RCAN2: variants seen among roughly 807,000 people sequenced by gnomAD.
RCAN2 encodes the protein regulator of calcineurin 2.
RCAN2 carries 9 observed loss-of-function variants against 23.6 expected under a neutral mutation model. That is an observed-to-expected ratio of 0.38 (90% CI 0.23 to 0.67). RCAN2 has a LOEUF of 0.67. RCAN2 is among the 30% of genes least tolerant of loss of function. The pLI, the probability that RCAN2 is intolerant of heterozygous loss-of-function variation, is 0.51. For synonymous variants in RCAN2, 109 were observed against 115.7 expected, an observed-to-expected ratio of 0.94 and a Z score of 0.37; for missense variants, 273 against 302.3, an observed-to-expected ratio of 0.90 and a Z score of 0.72.
chr6:46,300,299 C>T (rs1352751003), intron 2 of RCAN2, among the ~76,000 whole-genome samples: 1 of 151,960 alleles, frequency 6.6e-6, no homozygotes, highest in East Asian at 1.9e-4. Flanking sequence ...CACTCAACTA[C>T]ATGCCCTCTA....
intron 2 of RCAN2, among the ~76,000 whole-genome samples, chr6:46,413,603 C>T (rs1415771945): frequency 6.6e-6 from 1 of 152,158 alleles, no homozygotes; most frequent in African/African-American, 2.4e-5. Context: ...AGTATATGAT[C>T]TTAGAAATAT....
intron 2 of RCAN2, among the ~76,000 whole-genome samples, chr6:46,353,618 C>A (rs1421643098): frequency 6.6e-6 from 1 of 152,108 alleles, no homozygotes; most frequent in African/African-American, 2.4e-5. Context: ...GCAGTTAATA[C>A]CGGAGAGTAG....
intron 2 of RCAN2, among the ~76,000 whole-genome samples, chr6:46,422,498 G>A (rs1229979679): frequency 6.6e-6 from 1 of 152,070 alleles, no homozygotes; most frequent in Non-Finnish European, 1.5e-5. Context: ...AAGAAAATAA[G>A]CCAAAGCCTC....
chr6:46,491,004 C>A (rs1769125532), intron 1 of RCAN2, among the ~76,000 whole-genome samples, 169 bp downstream of exon 1: 1 of 125,240 alleles, frequency 8.0e-6, no homozygotes, highest in African/African-American at 2.5e-5. Flanking sequence ...CGCCACTGCC[C>A]CCACCCCCGC....
At chr6:46,299,658 A>G (rs1213154152) in intron 2 of RCAN2, among the ~76,000 whole-genome samples, 4 of 152,010 alleles carry the variant, frequency 2.6e-5, no homozygotes, top group Non-Finnish European at 5.9e-5. Flanking sequence ...ATTACCACTT[A>G]TTGCCTTGAA....
At chr6:46,333,901 T>C (rs1323549416) in intron 2 of RCAN2, among the ~76,000 whole-genome samples, 2 of 152,240 alleles carry the variant, frequency 1.3e-5, no homozygotes, top group African/African-American at 4.8e-5. Context: ...TTTTCTAGTT[T>C]ATATTTCTCT....
At chr6:46,484,074 A>G (rs1768932176) in intron 1 of RCAN2, among the ~76,000 whole-genome samples, 1 of 152,214 alleles carries the variant, frequency 6.6e-6, no homozygotes, top group Non-Finnish European at 1.5e-5. Context: ...CAGATACTGG[A>G]CTTTTAGCTT....
At chr6:46,335,385 C>T (rs1384131153) in intron 2 of RCAN2, among the ~76,000 whole-genome samples, 1 of 152,176 alleles carries the variant, frequency 6.6e-6, no homozygotes, top group African/African-American at 2.4e-5. Context: ...CAACCAATGC[C>T]TCTCTTTTTC....
chr6:46,317,184 CT>C (rs1763467267), intron 2 of RCAN2, among the ~76,000 whole-genome samples: 1 of 152,082 alleles, frequency 6.6e-6, no homozygotes, highest in African/African-American at 2.4e-5. Context: ...TTCCAGAAAA[CT>C]TTTCTTTTTC....
chr6:46,248,281 TC>T (rs1181820933), intron 3 of RCAN2, among the ~76,000 whole-genome samples: 11 of 152,242 alleles, frequency 7.2e-5, no homozygotes, highest in African/African-American at 2.7e-4. Flanking sequence ...AGTTATACAT[TC>T]CACTAAAGCT....
chr6:46,433,462 C>T (rs981447709), intron 2 of RCAN2, among the ~76,000 whole-genome samples: 3 of 152,152 alleles, frequency 2.0e-5, no homozygotes, highest in African/African-American at 7.2e-5. Flanking sequence ...GAAGATTATT[C>T]TGGATTATCC....
chr6:46,304,232 T>C (rs1382989314), intron 2 of RCAN2, among the ~76,000 whole-genome samples: 1 of 152,148 alleles, frequency 6.6e-6, no homozygotes, highest in Non-Finnish European at 1.5e-5. Context: ...CTTTTTGAAA[T>C]GTCTGTTCAA....
At chr6:46,224,746 GTAAGCCT>G (rs1178701235) in intron 4 of RCAN2, among the ~76,000 whole-genome samples, 1 of 152,002 alleles carries the variant, frequency 6.6e-6, no homozygotes, top group Non-Finnish European at 1.5e-5. Context: ...GCACATCTTG[GTAAGCCT>G]TAATGGTGCA....
intron 2 of RCAN2, among the ~76,000 whole-genome samples, chr6:46,345,301 G>A (rs918995009): frequency 3.9e-5 from 6 of 152,040 alleles, no homozygotes; most frequent in African/African-American, 1.4e-4. Flanking sequence ...TACAATCACT[G>A]TTGGATATTT....
rs529142197 is a variant in RCAN2, at chr6:46,463,107, G to A, written c.-2-6129C>T. On this transcript the variant is annotated intron_variant, in intron 1 of 4. Transcript: ENST00000371374. ...CAGAAAGGGTTGGGTGGTGATAATC[G>A]CATCTAGAGTCTTGGCAACCTGGAG... Among the ~76,000 whole-genome samples, 323 of 152,268 alleles carry A rather than the reference G, an allele frequency of 2.1e-3. 2 individuals are homozygous for A. The highest frequency in any genetic ancestry group is 7.4e-3 in the African/African-American group (307 of 41,548).
intron 2 of RCAN2, among the ~76,000 whole-genome samples, chr6:46,276,289 A>T (rs1007615592): frequency 6.6e-6 from 1 of 152,116 alleles, no homozygotes; most frequent in Admixed American, 6.5e-5. Flanking sequence ...ACATCATGAG[A>T]GGTTTCCTCG....
Position 46,383,545 on chromosome 6 carries a change from C to T in RCAN2, c.225+73207G>A, listed in dbSNP as rs563982016. Among the ~76,000 whole-genome samples, 11 of 151,994 alleles carry T rather than the reference C, an allele frequency of 7.2e-5. No individual in the cohort carries two copies. In the South Asian group the frequency reaches 1.7e-3, roughly 23 times the overall value. On this transcript the variant is annotated intron_variant, in intron 2 of 4. Coordinates refer to ENST00000371374, the MANE Select transcript of RCAN2 (RefSeq NM_001251974.2). ...AGCTTCTCATGTGTTATTCTAAGTG[C>T]CCAAGGAATGTATATTAAAAATATA...
intron 2 of RCAN2, among the ~76,000 whole-genome samples, chr6:46,339,990 A>C (rs903616835): frequency 1.3e-5 from 2 of 152,076 alleles, no homozygotes; most frequent in Non-Finnish European, 2.9e-5. Context: ...AGATGGTATA[A>C]ATAATTTATT....
Position 46,292,553 on chromosome 6 carries a change from T to C in RCAN2, c.226-43657A>G, listed in dbSNP as rs138779910. Among the ~76,000 whole-genome samples the C allele has an allele frequency of 5.4e-3, 825 of 151,802 alleles. 4 individuals carry two copies. The highest frequency in any genetic ancestry group is 0.018 in the African/African-American group (760 of 41,462). On this transcript the variant is annotated intron_variant, in intron 2 of 4. Transcript: ENST00000371374. ...TATAATTGAACCTCAAATGATCTGC[T>C]GAGATTATACAGAAGCATTCTTAAA... is the stretch of plus-strand genomic sequence containing the variant.
Sources: gnomAD v4.1 joint callset for allele counts (sites outside exome capture counted in the v4.1 genomes callset) on GRCh38, gnomAD v4.1.1 for gene constraint, MANE v1.5 for transcripts, NCBI Gene and HGNC (gene_info 2026-07-23, HGNC 2026-07-21) for gene names.